SETX: variants seen among roughly 807,000 people sequenced by gnomAD.
SETX encodes the protein senataxin.
Under a neutral mutation model 227.2 loss-of-function variants are expected in SETX, and 90 were observed. The ratio of observed to expected loss-of-function variants is 0.40; its 90% CI spans 0.33 to 0.47. The LOEUF is 0.47. Among genes scored for constraint, SETX ranks in the 20% least tolerant of loss-of-function variants. The pLI is 0.91. For synonymous variants in SETX, 1,210 were observed against 1,113.2 expected, an observed-to-expected ratio of 1.09 and a Z score of -1.73; for missense variants, 3,052 against 3,181.5, an observed-to-expected ratio of 0.96 and a Z score of 0.98.
chr9:132,331,433 G>C lies in SETX; in HGVS notation c.854C>G (p.Pro285Arg). Residue 285 changes from proline to arginine, a missense_variant, in exon 8 of 26, where the codon CCT (proline) becomes CGT (arginine). Transcript: ENST00000224140. ...AAAACAGTGTAACGCTGGCCAGAAA[G>C]GATCCACACTATCATCTGAAATACA... ...EREADDDSVD[P>R]FWPALHCFMV... The C allele has an allele frequency of 6.2e-7, 1 of 1,613,294 alleles. No homozygotes were observed. The highest frequency in any genetic ancestry group is 8.5e-7 in the Non-Finnish European group (1 of 1,179,796).
rs200117108 is a variant in SETX at position 132,328,739 on chromosome 9, T to C, written c.2859A>G (p.Leu953=). 1.9e-6 allele frequency: 3 copies of C among 1,613,390 alleles called. No individual in the cohort carries two copies. Among genetic ancestry groups the C allele is most frequent in the Non-Finnish European group, 1.7e-6 (2 of 1,179,696 alleles). ...APDISPKSDT[L]TDSQIDRDLH... is the part of the protein sequence containing the mutation. ...GGTCTCTGTCTATCTGAGAATCCGT[T>C]AAGGTGTCAGATTTAGGACTGATGT... Residue 953 remains leucine (L), a synonymous_variant, in exon 10 of 26, where the codon TTA becomes TTG. Coordinates refer to ENST00000224140, the MANE Select transcript of SETX (RefSeq NM_015046.7).
chr9:132,292,053 A>G (rs1049187780), intron 15 of SETX, among the ~76,000 whole-genome samples: 9 of 152,162 alleles, frequency 5.9e-5, no homozygotes, highest in Non-Finnish European at 8.8e-5. Context: ...TTTTAAAATA[A>G]TTTATTTTTT....
chr9:132,336,621 G>C, intron 5 of SETX, 106 bp from the exon 6 acceptor site: 2 of 858,408 alleles, frequency 2.3e-6, no homozygotes, highest in South Asian at 2.8e-5. Flanking sequence ...AAAGACATGT[G>C]ACATATTAAT....
intron 14 of SETX, among the ~76,000 whole-genome samples, chr9:132,296,507 G>A (rs1385439929): frequency 6.6e-6 from 1 of 151,724 alleles, no homozygotes; most frequent in East Asian, 1.9e-4. Flanking sequence ...AGGTTGCTGT[G>A]AGTCAAGATC....
At chr9:132,355,228 C>T (rs1303490562), upstream of SETX, among the ~76,000 whole-genome samples, 1 of 152,066 alleles carries the variant, frequency 6.6e-6, no homozygotes, top group Non-Finnish European at 1.5e-5. Flanking sequence ...GGAGAGTTTG[C>T]CGCGGAACCT....
At chr9:132,282,053 C>CA (rs992888655) in intron 19 of SETX, among the ~76,000 whole-genome samples, 2 of 146,250 alleles carry the variant, frequency 1.4e-5, no homozygotes, top group Non-Finnish European at 3.0e-5. Context: ...GACTCCGTCT[C>CA]AAAAAAAACA....
intron 18 of SETX, among the ~76,000 whole-genome samples, chr9:132,283,945 G>A (rs764631613): frequency 6.6e-6 from 1 of 152,192 alleles, no homozygotes; most frequent in Admixed American, 6.5e-5. Context: ...CTCTAACGCA[G>A]TGTGCTGTGA....
intron 21 of SETX, 60 bp downstream of exon 21, chr9:132,278,010 A>T (rs749394973): frequency 6.7e-6 from 10 of 1,482,868 alleles, no homozygotes; most frequent in African/African-American, 1.4e-5. Flanking sequence ...TAAAATGTCT[A>T]TTCTTCATAA....
chr9:132,289,660 T>G (rs1322479453), intron 15 of SETX, among the ~76,000 whole-genome samples: 1 of 152,214 alleles, frequency 6.6e-6, no homozygotes, highest in Non-Finnish European at 1.5e-5. Flanking sequence ...CCATCGAGCC[T>G]TCTTTTGCAG....
At chr9:132,325,304 C>T (rs1164360973) in intron 10 of SETX, among the ~76,000 whole-genome samples, 1 of 151,682 alleles carries the variant, frequency 6.6e-6, no homozygotes, top group Non-Finnish European at 1.5e-5. Flanking sequence ...TGCAGTGAGC[C>T]GAGATTGCAC....
chr9:132,344,647 G>A (rs1347615986), intron 4 of SETX, among the ~76,000 whole-genome samples: 3 of 152,158 alleles, frequency 2.0e-5, no homozygotes, highest in Non-Finnish European at 4.4e-5. Flanking sequence ...GGCCGAGGTG[G>A]GCGGATCACT....
intron 25 of SETX, chr9:132,269,372 T>C (rs750423218): frequency 2.1e-6 from 3 of 1,452,024 alleles, no homozygotes; most frequent in Non-Finnish European, 2.8e-6. Context: ...AATAATCCTA[T>C]GATGTGGATA....
At chr9:132,305,558 T>G (rs941376123) in intron 11 of SETX, among the ~76,000 whole-genome samples, 2 of 152,144 alleles carry the variant, frequency 1.3e-5, no homozygotes. Context: ...ATCAACGTCA[T>G]GTACCTCCCA....
At chr9:132,322,308 T>G (rs1846413480) in intron 10 of SETX, among the ~76,000 whole-genome samples, 1 of 152,202 alleles carries the variant, frequency 6.6e-6, no homozygotes, top group East Asian at 1.9e-4. Flanking sequence ...TACTATGCTG[T>G]GCAACCATCA....
chr9:132,300,544 A>G (rs373787910), intron 12 of SETX, 86 bp downstream of exon 12: 54 of 1,375,516 alleles, frequency 3.9e-5, no homozygotes, highest in East Asian at 3.4e-4. Flanking sequence ...TGTCTATCAA[A>G]TACACTTGAT....
chr9:132,344,869 T>TAAAAAAAA (rs10612492), intron 4 of SETX, among the ~76,000 whole-genome samples: 1 of 139,320 alleles, frequency 7.2e-6, no homozygotes, highest in Non-Finnish European at 1.5e-5. Context: ...TGAGACTCTT[T>TAAAAAAAA]AAAAAAAAAA....
Position 132,275,419 on chromosome 9 carries a change from A to G in SETX, c.6937T>C (p.Ser2313Pro). 6.3e-7 allele frequency: 1 copy of G among 1,594,216 alleles called. No individual in the cohort carries two copies. Among genetic ancestry groups the G allele is most frequent in the Non-Finnish European group, 8.6e-7 (1 of 1,163,086 alleles). The change falls in exon 23 of 26, where the codon TCA (serine) becomes CCA (proline). Residue 2313 changes from serine (S) to proline (P), a missense_variant and splice_region_variant. Coordinates refer to ENST00000224140, the MANE Select transcript of SETX (RefSeq NM_015046.7). Reference protein sequence around the residue: ...GDGSERRDNDSYINVQEIKLV... With the variant: ...GDGSERRDNDPYINVQEIKLV... ...TTTATTTCTTGAACATTTATATATG[A>G]GCTAAACAAGATGGAAAAAGAAAAC... is the stretch of plus-strand genomic sequence containing the variant.
rs376295576 is a variant in SETX, at chr9:132,345,072, G to C, written c.388+1189C>G. On this transcript the variant is annotated intron_variant, in intron 4 of 25. Transcript: ENST00000224140. Reference sequence around the variant, plus strand: ...TGATTTTATACCTCACCCCCCAAAAGGGGTATTCAGCAATGTCTGGAGACA... The same window carrying C: ...TGATTTTATACCTCACCCCCCAAAACGGGTATTCAGCAATGTCTGGAGACA... 2.6e-5 allele frequency among the ~76,000 whole-genome samples: 4 copies of C among 152,236 alleles called. No homozygotes were observed. The East Asian group carries it at 7.7e-4, about 29-fold the overall frequency.
At chr9:132,310,180 C>T (rs1156843402) in intron 11 of SETX, among the ~76,000 whole-genome samples, 4 of 152,172 alleles carry the variant, frequency 2.6e-5, no homozygotes, top group Non-Finnish European at 5.9e-5. Flanking sequence ...CTCAATCTCC[C>T]TAATGAGGAC....
Sources: allele counts gnomAD v4.1 joint callset (sites outside exome capture counted in the v4.1 genomes callset), GRCh38; gene constraint gnomAD v4.1.1; transcripts MANE v1.5; gene names NCBI Gene and HGNC (gene_info 2026-07-23, HGNC 2026-07-21).